Variants in LIN7B observed in about 807,000 individuals in gnomAD.
LIN7B encodes the protein protein lin-7 homolog B.
Under a neutral mutation model 27.9 loss-of-function variants are expected in LIN7B, and 16 were observed. The observed-to-expected ratio is 0.57, with a 90% CI of 0.39 to 0.87. LIN7B has a LOEUF of 0.87. Among genes scored for constraint, LIN7B ranks in the 40% least tolerant of loss-of-function variants. The probability of loss-of-function intolerance (pLI) is 0.00; values close to 1 mark genes in which losing one functional copy is unlikely to be tolerated. For missense variants in LIN7B, 291 were observed against 288.5 expected, an observed-to-expected ratio of 1.01 and a Z score of -0.06; for synonymous variants, 147 against 120.8, an observed-to-expected ratio of 1.22 and a Z score of -1.42.
At position 49,116,485 on chromosome 19, in the gene LIN7B, C is replaced by T; in HGVS notation, c.438+13C>T. On this transcript the variant is annotated intron_variant, in intron 4 of 5. Coordinates refer to ENST00000221459, the MANE Select transcript of LIN7B (RefSeq NM_022165.3). ...GGTGAACGGTGTGGTGAGTGGAGGGCTGAGGCAGGACTGGGGGACACAGTC... is the reference window on the plus strand; with the variant it reads ...GGTGAACGGTGTGGTGAGTGGAGGGTTGAGGCAGGACTGGGGGACACAGTC... 1 of 1,610,272 alleles carries T rather than the reference C, an allele frequency of 6.2e-7. No individual in the cohort carries two copies. Among genetic ancestry groups the T allele is most frequent in the Non-Finnish European group, 8.5e-7 (1 of 1,177,030 alleles).
At position 49,115,347 on chromosome 19, in the gene LIN7B, C is replaced by G; in HGVS notation, c.228+16C>G. 1 of 1,562,096 alleles carries G rather than the reference C, an allele frequency of 6.4e-7. No individual in the cohort carries two copies. The highest frequency in any genetic ancestry group is 8.7e-7 in the Non-Finnish European group (1 of 1,151,956). Reference sequence around the variant, plus strand: ...CACAGCCAAGGTGGGCCCCGCACCCCATTGCTCCTGGTGTCTATTTAACTG... The same window carrying G: ...CACAGCCAAGGTGGGCCCCGCACCCGATTGCTCCTGGTGTCTATTTAACTG... On this transcript the variant is annotated intron_variant, in intron 3 of 5. Coordinates refer to ENST00000221459, the MANE Select transcript of LIN7B (RefSeq NM_022165.3).
At chr19:49,116,505 ACAGT>A (rs758981247) in intron 4 of LIN7B, 33 bp downstream of exon 4, 11 of 1,574,694 alleles carry the variant, frequency 7.0e-6, no homozygotes, top group African/African-American at 2.7e-5. Flanking sequence ...ACTGGGGGAC[ACAGT>A]CTGTCTAACG....
chr19:49,115,843 AAAG>A lies in LIN7B; in HGVS notation c.229-417_229-415del, dbSNP rs772996216. 223 of 148,176 alleles carry A rather than the reference AAAG, an allele frequency of 1.5e-3. 2 individuals are homozygous for A. Among genetic ancestry groups the A allele is most frequent in the South Asian group, 7.1e-3 (37 of 5,180 alleles). The allele number at this position is 148,176 out of a possible 1,614,324, so 9.2% of individuals were successfully genotyped here. A position where few individuals can be genotyped will look rare whatever the true frequency, so the allele number is the denominator to read the frequency against. On this transcript the variant is annotated intron_variant, in intron 3 of 5. Transcript: ENST00000221459. ...TCCACAGAAATACAAAAAAAAAAAA[AAAG>A]AAAGAAAAAGCCGAGCGTGGTGGCG... is the stretch of plus-strand genomic sequence containing the variant.
chr19:49,116,548 TCAACACA>T, intron 4 of LIN7B, 76 bp downstream of exon 4: 1 of 1,307,590 alleles, frequency 7.6e-7, no homozygotes, highest in Non-Finnish European at 1.1e-6. Context: ...TGACATTCAC[TCAACACA>T]CACTGAGTGT....
chr19:49,117,787 C>T (rs1481768540), intron 4 of LIN7B, 68 bp from the exon 5 acceptor site: 4 of 1,430,150 alleles, frequency 2.8e-6, no homozygotes, highest in Admixed American at 3.4e-5. Flanking sequence ...CAGTGGGTCC[C>T]ATCTCCCAGT....
rs2040823798 is a variant in LIN7B at position 49,116,284 on chromosome 19, G to A, written c.250G>A (p.Ala84Thr). The change falls in exon 4 of 6, where the codon GCC becomes ACC. Residue 84 changes from alanine (A) to threonine (T), a missense_variant. Physicochemically the swap from Ala to Thr is moderately conservative, Grantham distance 58 (BLOSUM62 0). Transcript: ENST00000221459. ...TAKATVAAFT[A>T]SEGHAHPRVV... is the part of the protein sequence containing the mutation. ...CCAGGCCACAGTGGCTGCCTTCACA[G>A]CCAGCGAGGGCCACGCACATCCCAG... 1 of 1,613,488 alleles carries A rather than the reference G, an allele frequency of 6.2e-7. No homozygotes were observed. Among genetic ancestry groups the A allele is most frequent in the South Asian group, 1.1e-5 (1 of 91,050 alleles).
chr19:49,117,019 G>A (rs1371042920), intron 4 of LIN7B, among the ~76,000 whole-genome samples: 1 of 152,116 alleles, frequency 6.6e-6, no homozygotes, highest in Non-Finnish European at 1.5e-5. Context: ...GCTGAGGCAC[G>A]TGGATCACTT....
chr19:49,114,642 CA>C, intron 1 of LIN7B: 1 of 468,076 alleles, frequency 2.1e-6, no homozygotes, highest in South Asian at 1.0e-4. Flanking sequence ...GCCCGCCTTA[CA>C]ACCCGGCCTG....
chr19:49,114,371 G>C lies in LIN7B; in HGVS notation c.-34G>C, dbSNP rs533055590. On this transcript the variant is annotated 5_prime_UTR_variant, in exon 1 of 6. Coordinates refer to ENST00000221459, the MANE Select transcript of LIN7B (RefSeq NM_022165.3). ...AGCCCCGCCCTCCTCGCCGGCGCCA[G>C]GGCAGGCGGGCGGCTGGCAGCTGTG... 8.4e-6 allele frequency: 10 copies of C among 1,187,550 alleles called. No homozygotes were observed. The East Asian group carries it at 3.7e-4, about 43-fold the overall frequency. 73.6% of individuals were successfully genotyped at this position (1,187,550 alleles called of 1,614,324 possible). A position where few individuals can be genotyped will look rare whatever the true frequency, so the allele number is the denominator to read the frequency against.
intron 1 of LIN7B, 189 bp from the exon 2 acceptor site, chr19:49,114,660 G>T: frequency 2.2e-6 from 1 of 451,946 alleles, no homozygotes. Context: ...CCTGTGGAGG[G>T]GTCCCGGGGC....
chr19:49,115,595 G>C (rs1361566388), intron 3 of LIN7B: 4 of 369,272 alleles, frequency 1.1e-5, no homozygotes, highest in African/African-American at 4.3e-5. Context: ...AACTCATGGC[G>C]CTCTGACCTC....
rs747593115 is a variant in LIN7B, at chr19:49,115,445, G to A, written c.228+114G>A. ...CCCTCATGATTTTTGCTAAATCTAT[G>A]TGCCACCTTACTATTAGTAAATAAT... On this transcript the variant is annotated intron_variant, in intron 3 of 5. Coordinates refer to ENST00000221459, the MANE Select transcript of LIN7B (RefSeq NM_022165.3). 5.5e-6 allele frequency: 5 copies of A among 911,766 alleles called. No individual in the cohort carries two copies. The South Asian group carries it at 8.1e-5, about 15-fold the overall frequency. 56.5% of individuals were successfully genotyped at this position (911,766 alleles called of 1,614,324 possible).
At position 49,118,340 on chromosome 19, in the gene LIN7B, C is replaced by A. The variant is rs2040871454; in HGVS notation, c.603-12C>A. On this transcript the variant is annotated splice_polypyrimidine_tract_variant and intron_variant, in intron 5 of 5. Transcript: ENST00000221459. ...TCCCTGATCCCGGGTCCCTTGTCCACCCCCCTTGCAGGTCCTTGGAGTCTC... is the reference window on the plus strand; with the variant it reads ...TCCCTGATCCCGGGTCCCTTGTCCAACCCCCTTGCAGGTCCTTGGAGTCTC... 7 of 1,613,528 alleles carry A rather than the reference C, an allele frequency of 4.3e-6. No homozygotes were observed. The highest frequency in any genetic ancestry group is 4.0e-5 in the African/African-American group (3 of 74,904).
At position 49,114,914 on chromosome 19, in the gene LIN7B, C is replaced by T. The variant is rs755274416; in HGVS notation, c.103C>T (p.Leu35=). The part of the protein sequence containing the change: ...QRSGELPPQK[L]QALQRVLQSR... ...CAGCGGGGAGCTGCCGCCGCAGAAG[C>T]TGCAGGCCCTCCAGCGAGTTCTGCA... is the stretch of plus-strand genomic sequence containing the variant. Residue 35 remains leucine, a synonymous_variant, in exon 2 of 6, where the codon CTG becomes TTG. Coordinates refer to ENST00000221459, the MANE Select transcript of LIN7B (RefSeq NM_022165.3). The T allele has an allele frequency of 3.4e-6, 5 of 1,475,012 alleles. No homozygotes were observed. Among genetic ancestry groups the T allele is most frequent in the Non-Finnish European group, 4.5e-6 (5 of 1,114,500 alleles). The allele number at this position is 1,475,012 out of a possible 1,614,324, so 91.4% of individuals were successfully genotyped here. A position where few individuals can be genotyped will look rare whatever the true frequency, so the allele number is the denominator to read the frequency against.
intron 4 of LIN7B, 84 bp downstream of exon 4, chr19:49,116,556 C>A: frequency 8.0e-7 from 1 of 1,254,074 alleles, no homozygotes; most frequent in Non-Finnish European, 1.1e-6. Context: ...ACTCAACACA[C>A]ACTGAGTGTT....
At chr19:49,116,148 C>A (rs2040821685) in intron 3 of LIN7B, 115 bp from the exon 4 acceptor site, 2 of 783,326 alleles carry the variant, frequency 2.6e-6, no homozygotes, top group African/African-American at 1.7e-5. Flanking sequence ...ACAAGTGTCC[C>A]ATGCTTGGGG....
In LIN7B at chr19:49,116,250, T is replaced by C. The variant is rs1466086730; in HGVS notation, c.229-13T>C. ...GAAGGGGCCCTCATCTTCAGTCGCT[T>C]TCTCTCTCCCAGGCCACAGTGGCTG... On this transcript the variant is annotated splice_polypyrimidine_tract_variant and intron_variant, in intron 3 of 5. Coordinates refer to ENST00000221459, the MANE Select transcript of LIN7B (RefSeq NM_022165.3). The C allele has an allele frequency of 1.9e-6, 3 of 1,607,134 alleles. No individual in the cohort carries two copies. The highest frequency in any genetic ancestry group is 2.2e-5 in the East Asian group (1 of 44,692).
intron 3 of LIN7B, 28 bp from the exon 4 acceptor site, chr19:49,116,235 T>C (rs780933182): frequency 6.3e-7 from 1 of 1,597,434 alleles, no homozygotes; most frequent in Admixed American, 1.7e-5. Context: ...GAAGGGGCCC[T>C]CATCTTCAGT....
intron 1 of LIN7B, 105 bp downstream of exon 1, chr19:49,114,546 C>A: frequency 1.1e-6 from 1 of 920,586 alleles, no homozygotes; most frequent in Non-Finnish European, 1.4e-6. Flanking sequence ...GGCCAGCGGA[C>A]CCGGAGGGGG....
Sources: allele counts gnomAD v4.1 joint callset (sites outside exome capture counted in the v4.1 genomes callset), GRCh38; gene constraint gnomAD v4.1.1; transcripts MANE v1.5; gene names NCBI Gene and HGNC (gene_info 2026-07-23, HGNC 2026-07-21).